Variants in SLC35E2B observed in about 807,000 individuals in gnomAD.
SLC35E2B encodes the protein solute carrier family 35, member E2B.
SLC35E2B carries 18 observed loss-of-function variants against 32.4 expected under a neutral mutation model. The observed-to-expected ratio is 0.56, with a 90% confidence interval of 0.38 to 0.82. The LOEUF is 0.82. SLC35E2B is among the 40% of genes least tolerant of loss of function. The probability of loss-of-function intolerance (pLI) is 0.00; values close to 1 mark genes in which losing one functional copy is unlikely to be tolerated. For missense variants in SLC35E2B, 263 were observed against 469.5 expected, an observed-to-expected ratio of 0.56 and a Z score of 4.06; for synonymous variants, 132 against 209.1, an observed-to-expected ratio of 0.63 and a Z score of 3.18.
Position 1,670,382 on chromosome 1 carries a change from A to T in SLC35E2B, c.708-231T>A, listed in dbSNP as rs529531416. ...AGTGATCCACCCGCCTCAGCCTCCC[A>T]AAGTGCTGGGATTACAAGTGTGAGC... On this transcript the variant is annotated intron_variant, in intron 6 of 9. Coordinates refer to ENST00000617444, the MANE Select transcript of SLC35E2B (RefSeq NM_001290264.2). The T allele has an allele frequency of 3.5e-5, 16 of 451,868 alleles. No homozygotes were observed. The Admixed American group carries it at 4.8e-4, about 14-fold the overall frequency. 28.0% of individuals were successfully genotyped at this position (451,868 alleles called of 1,614,324 possible). A position where few individuals can be genotyped will look rare whatever the true frequency, so the allele number is the denominator to read the frequency against.
intron 2 of SLC35E2B, among the ~76,000 whole-genome samples, chr1:1,678,810 A>C (rs1227347282): frequency 6.6e-6 from 1 of 152,130 alleles, no homozygotes; most frequent in African/African-American, 2.4e-5. Context: ...GCCTCCCTGG[A>C]GCTAGGACTG....
intron 2 of SLC35E2B, among the ~76,000 whole-genome samples, chr1:1,689,758 G>T (rs867285174): frequency 2.0e-5 from 3 of 151,332 alleles, no homozygotes; most frequent in South Asian, 4.2e-4. Flanking sequence ...AGGCCAAGGT[G>T]GGCGGATCAC....
rs1369169723 is a variant in SLC35E2B, at chr1:1,662,627, G to A, written c.*3155C>T. 6 of 840,434 alleles carry A rather than the reference G, an allele frequency of 7.1e-6. No individual in the cohort carries two copies. Among genetic ancestry groups the A allele is most frequent in the African/African-American group, 1.8e-5 (1 of 55,472 alleles). The allele number at this position is 840,434 out of a possible 1,614,324, so 52.1% of individuals were successfully genotyped here. On this transcript the variant is annotated 3_prime_UTR_variant, in exon 10 of 10. Transcript: ENST00000617444. ...ACAGTGTTCTCATCTTTCCAGGCAG[G>A]CAGATTATTTTAATGCTGTTATACA...
chr1:1,690,280 CAA>C (rs751562734), intron 2 of SLC35E2B, among the ~76,000 whole-genome samples: 3 of 52,014 alleles, frequency 5.8e-5, no homozygotes, highest in Admixed American at 2.0e-4. Flanking sequence ...AACTCTGTCT[CAA>C]AAAAAAAAAA....
At position 1,680,592 on chromosome 1, in the gene SLC35E2B, T is replaced by C. The variant is rs148898993; in HGVS notation, c.-147-3746A>G. Among the ~76,000 whole-genome samples, 499 of 152,252 alleles carry C rather than the reference T, an allele frequency of 3.3e-3. 1 individual carries two copies. Among genetic ancestry groups the C allele is most frequent in the Middle Eastern group, 6.8e-3 (2 of 294 alleles). On this transcript the variant is annotated intron_variant, in intron 2 of 9. Coordinates refer to ENST00000617444, the MANE Select transcript of SLC35E2B (RefSeq NM_001290264.2). ...TGCTCCCACAGCCCTGCCCCGGCTC[T>C]GTGTGGGTGACTGTCCCGTCCCTGC...
In SLC35E2B at chr1:1,662,192, A is replaced by C; in HGVS notation, c.*3590T>G. 1 of 985,200 alleles carries C rather than the reference A, an allele frequency of 1.0e-6. No individual in the cohort carries two copies. The highest frequency in any genetic ancestry group is 1.2e-6 in the Non-Finnish European group (1 of 830,044). The allele number at this position is 985,200 out of a possible 1,614,324, so 61.0% of individuals were successfully genotyped here. A position where few individuals can be genotyped will look rare whatever the true frequency, so the allele number is the denominator to read the frequency against. ...TCATTAGGGAAGCTCGGATGCTCTC[A>C]TTCTATAAAGTAAGGCCCCCAGCAG... On this transcript the variant is annotated 3_prime_UTR_variant, in exon 10 of 10. Transcript: ENST00000617444.
chr1:1,679,555 C>T (rs761444851), intron 2 of SLC35E2B, among the ~76,000 whole-genome samples: 4 of 152,000 alleles, frequency 2.6e-5, no homozygotes, highest in Non-Finnish European at 5.9e-5. Context: ...GGCCAGGCGC[C>T]GTGGCTCACA....
chr1:1,683,101 A>G (rs1643914102), intron 2 of SLC35E2B, among the ~76,000 whole-genome samples: 1 of 152,058 alleles, frequency 6.6e-6, no homozygotes. Context: ...TAAATAAACA[A>G]GCAAATAAAT....
chr1:1,665,174 C>G lies in SLC35E2B; in HGVS notation c.*608G>C, dbSNP rs907852334. 1.8e-5 allele frequency: 3 copies of G among 166,152 alleles called. No individual in the cohort carries two copies. Among genetic ancestry groups the G allele is most frequent in the Non-Finnish European group, 2.5e-5 (2 of 78,562 alleles). 10.3% of individuals were successfully genotyped at this position (166,152 alleles called of 1,614,324 possible). A position where few individuals can be genotyped will look rare whatever the true frequency, so the allele number is the denominator to read the frequency against. ...GTGGTCATAGCCCTTGAGTGCCGTG[C>G]AATGCTGCAGCTTGAGGCTTGCGAT... is the stretch of plus-strand genomic sequence containing the variant. On this transcript the variant is annotated 3_prime_UTR_variant, in exon 10 of 10. Transcript: ENST00000617444.
At chr1:1,688,781 A>T (rs1473514340) in intron 2 of SLC35E2B, among the ~76,000 whole-genome samples, 5 of 151,954 alleles carry the variant, frequency 3.3e-5, no homozygotes, top group African/African-American at 1.2e-4. Context: ...ACGGAGGCGC[A>T]GGGAGGGGGC....
At chr1:1,666,950 C>CAAAAAAA (rs1643563263) in intron 9 of SLC35E2B, among the ~76,000 whole-genome samples, 1 of 149,378 alleles carries the variant, frequency 6.7e-6, no homozygotes, top group East Asian at 2.0e-4. Context: ...ACTAAAAATA[C>CAAAAAAA]AAAAATTAGC....
At position 1,665,665 on chromosome 1, in the gene SLC35E2B, T is replaced by C. The variant is rs1027743732; in HGVS notation, c.*117A>G. 25 of 1,430,918 alleles carry C rather than the reference T, an allele frequency of 1.7e-5. No homozygotes were observed. The highest frequency in any genetic ancestry group is 2.2e-5 in the Non-Finnish European group (24 of 1,087,290). The allele number at this position is 1,430,918 out of a possible 1,614,324, so 88.6% of individuals were successfully genotyped here. On this transcript the variant is annotated 3_prime_UTR_variant, in exon 10 of 10. Coordinates refer to ENST00000617444, the MANE Select transcript of SLC35E2B (RefSeq NM_001290264.2). ...GACAAACCGAGAAAGCCGCAGGCAATGGCCAACTTAGCTCCCCATGTCCTG... is the reference window on the plus strand; with the variant it reads ...GACAAACCGAGAAAGCCGCAGGCAACGGCCAACTTAGCTCCCCATGTCCTG...
rs372723226 is a variant in SLC35E2B, at chr1:1,674,633, CA to C, written c.586+829del. Among the ~76,000 whole-genome samples, 541 of 126,622 alleles carry C rather than the reference CA, an allele frequency of 4.3e-3. 2 individuals are homozygous for C. Among genetic ancestry groups the C allele is most frequent in the African/African-American group, 0.015 (474 of 32,222 alleles). The allele number at this position is 126,622 out of a possible 152,430, so 83.1% of individuals were successfully genotyped here. A position where few individuals can be genotyped will look rare whatever the true frequency, so the allele number is the denominator to read the frequency against. ...CCCTGTCTCAAAAACATAAAAAAAACAAAAAAAAAAAAACAAAAAAAAACCA... is the reference window on the plus strand; with the variant it reads ...CCCTGTCTCAAAAACATAAAAAAAACAAAAAAAAAAAACAAAAAAAAACCA... On this transcript the variant is annotated intron_variant, in intron 5 of 9. Coordinates refer to ENST00000617444, the MANE Select transcript of SLC35E2B (RefSeq NM_001290264.2).
Position 1,663,053 on chromosome 1 carries a change from G to A in SLC35E2B, c.*2729C>T, listed in dbSNP as rs1643445949. The A allele has an allele frequency of 2.4e-5, 23 of 955,080 alleles. No homozygotes were observed. The highest frequency in any genetic ancestry group is 2.9e-5 in the Non-Finnish European group (23 of 802,514). 59.2% of individuals were successfully genotyped at this position (955,080 alleles called of 1,614,324 possible). On this transcript the variant is annotated 3_prime_UTR_variant, in exon 10 of 10. Transcript: ENST00000617444. ...GGCTGGAAACTGACTTGGGCATGGA[G>A]AGGAGACTGAGGGAGAGGGAGGGGA...
At chr1:1,678,996 GCTCATGGCAGGCGTGGAT>G (rs1248974338) in intron 2 of SLC35E2B, among the ~76,000 whole-genome samples, 3 of 152,132 alleles carry the variant, frequency 2.0e-5, no homozygotes, top group Non-Finnish European at 2.9e-5. Context: ...CAGGGGTGGA[GCTCATGGCAGGCGTGGAT>G]CTCACTCCCC....
intron 2 of SLC35E2B, among the ~76,000 whole-genome samples, chr1:1,678,900 T>C (rs1643876100): frequency 6.6e-6 from 1 of 152,086 alleles, no homozygotes; most frequent in South Asian, 2.1e-4. Context: ...GTGGAGCAGC[T>C]ACCTGGCTTT....
intron 2 of SLC35E2B, among the ~76,000 whole-genome samples, chr1:1,689,297 G>A (rs1643992194): frequency 6.6e-6 from 1 of 152,052 alleles, no homozygotes; most frequent in African/African-American, 2.4e-5. Flanking sequence ...AAGAAAAACT[G>A]GATTCTGATC....
chr1:1,675,360 G>C, intron 5 of SLC35E2B, 103 bp downstream of exon 5: 2 of 744,130 alleles, frequency 2.7e-6, no homozygotes, highest in Admixed American at 5.8e-5. Flanking sequence ...ACTCTGAGTG[G>C]TCCTCGCGGC....
At chr1:1,669,564 C>A in intron 8 of SLC35E2B, 100 bp downstream of exon 8, 1 of 1,279,200 alleles carries the variant, frequency 7.8e-7, no homozygotes, top group Non-Finnish European at 1.1e-6. Flanking sequence ...TGGGCCCAAC[C>A]AGCCAGCACA....
Sources: gnomAD v4.1 joint callset for allele counts (sites outside exome capture counted in the v4.1 genomes callset) on GRCh38, gnomAD v4.1.1 for gene constraint, MANE v1.5 for transcripts, NCBI Gene and HGNC (gene_info 2026-07-23, HGNC 2026-07-21) for gene names.